VWC2L: variants seen among roughly 807,000 people sequenced by gnomAD.
The protein encoded by VWC2L is von Willebrand factor C domain-containing protein 2-like.
In VWC2L, 10 loss-of-function variants were observed where a neutral mutation model predicts 21.6. That is an observed-to-expected ratio of 0.46 (90% CI 0.29 to 0.78). The LOEUF (loss-of-function observed/expected upper bound fraction) is 0.78. Among genes scored for constraint, VWC2L ranks in the 30% least tolerant of loss-of-function variants. The pLI, the probability that VWC2L is intolerant of heterozygous loss-of-function variation, is 0.10. For synonymous variants in VWC2L, 96 were observed against 94.3 expected (o/e 1.02, Z -0.10); for missense variants, 209 against 277.1 (o/e 0.75, Z 1.74).
intron 3 of VWC2L, among the ~76,000 whole-genome samples, chr2:214,444,243 T>A (rs1389320829): frequency 2.0e-5 from 3 of 151,924 alleles, no homozygotes; most frequent in East Asian, 3.9e-4. Flanking sequence ...AGAAAAAAAA[T>A]TTAATACCTA....
intron 3 of VWC2L, among the ~76,000 whole-genome samples, chr2:214,533,229 A>G (rs1053704769): frequency 1.3e-5 from 2 of 152,122 alleles, no homozygotes; most frequent in Non-Finnish European, 2.9e-5. Context: ...TTTCAGCAGT[A>G]ATTACATACG....
At chr2:214,567,589 CACACACAGAGAG>C (rs1190738378) in intron 3 of VWC2L, among the ~76,000 whole-genome samples, 1 of 134,536 alleles carries the variant, frequency 7.4e-6, no homozygotes, top group African/African-American at 3.0e-5. Flanking sequence ...CACACACACA[CACACACAGAGAG>C]AGAGAGAGAG....
intron 3 of VWC2L, among the ~76,000 whole-genome samples, chr2:214,551,805 A>G (rs528309405): frequency 3.4e-4 from 52 of 152,286 alleles, no homozygotes; most frequent in African/African-American, 1.1e-3. Context: ...TCATACCACA[A>G]TAGAAGCCAG....
intron 3 of VWC2L, among the ~76,000 whole-genome samples, chr2:214,543,346 G>A (rs375282579): frequency 2.0e-4 from 31 of 152,156 alleles, no homozygotes; most frequent in Admixed American, 4.6e-4. Context: ...AACTTATTAC[G>A]TATAGTAACA....
At chr2:214,452,914 C>T (rs1702997877) in intron 3 of VWC2L, among the ~76,000 whole-genome samples, 1 of 152,120 alleles carries the variant, frequency 6.6e-6, no homozygotes, top group Non-Finnish European at 1.5e-5. Context: ...AAATCATTTG[C>T]TCATTTTTTT....
intron 3 of VWC2L, among the ~76,000 whole-genome samples, chr2:214,574,224 C>G (rs565221579): frequency 6.6e-6 from 1 of 152,190 alleles, no homozygotes. Flanking sequence ...TTTGTCAGAG[C>G]TGACCCTTAT....
intron 3 of VWC2L, among the ~76,000 whole-genome samples, chr2:214,501,240 C>A (rs1688886181): frequency 6.6e-6 from 1 of 152,268 alleles, no homozygotes; most frequent in East Asian, 1.9e-4. Context: ...GGAAAAGCCA[C>A]TCCACCTTCC....
intron 3 of VWC2L, among the ~76,000 whole-genome samples, chr2:214,460,747 T>G (rs533094849): frequency 6.6e-6 from 1 of 152,356 alleles, no homozygotes; most frequent in East Asian, 1.9e-4. Flanking sequence ...TTTAAATTCT[T>G]TTTCAAGCAT....
intron 3 of VWC2L, among the ~76,000 whole-genome samples, chr2:214,527,037 C>A (rs1689350598): frequency 6.6e-6 from 1 of 152,006 alleles, no homozygotes; most frequent in African/African-American, 2.4e-5. Flanking sequence ...GAAAATATGG[C>A]ACGTATACAC....
chr2:214,465,051 C>A (rs1363930964), intron 3 of VWC2L, among the ~76,000 whole-genome samples: 1 of 151,966 alleles, frequency 6.6e-6, no homozygotes, highest in African/African-American at 2.4e-5. Context: ...CCCCGCTGTC[C>A]CAGGACGAAT....
chr2:214,523,352 T>A (rs1165937855), intron 3 of VWC2L, among the ~76,000 whole-genome samples: 2 of 152,262 alleles, frequency 1.3e-5, no homozygotes, highest in Non-Finnish European at 2.9e-5. Context: ...TTCTATGAGA[T>A]GCCCAACTCA....
chr2:214,496,516 C>T (rs4378808), intron 3 of VWC2L, among the ~76,000 whole-genome samples: 1 of 151,860 alleles, frequency 6.6e-6, no homozygotes, highest in East Asian at 1.9e-4. Flanking sequence ...CATTGATAGA[C>T]CTCCTAATTA....
At chr2:214,428,075 C>T (rs1702551636) in intron 2 of VWC2L, among the ~76,000 whole-genome samples, 2 of 152,102 alleles carry the variant, frequency 1.3e-5, no homozygotes, top group Non-Finnish European at 2.9e-5. Context: ...CTAATATGCT[C>T]CCTTGAGGAA....
chr2:214,442,298 C>A (rs574640862), intron 3 of VWC2L, among the ~76,000 whole-genome samples: 1 of 152,224 alleles, frequency 6.6e-6, no homozygotes, highest in Non-Finnish European at 1.5e-5. Flanking sequence ...AATAATGATT[C>A]TTTTAGGCAG....
At chr2:214,548,484 C>T (rs1055972927) in intron 3 of VWC2L, among the ~76,000 whole-genome samples, 8 of 152,182 alleles carry the variant, frequency 5.3e-5, no homozygotes, top group African/African-American at 1.9e-4. Context: ...CTCTAAAACA[C>T]TGCCTACAAA....
At chr2:214,482,477 GTGTA>G (rs60896750) in intron 3 of VWC2L, among the ~76,000 whole-genome samples, 5 of 150,408 alleles carry the variant, frequency 3.3e-5, no homozygotes, top group African/African-American at 4.9e-5. Flanking sequence ...ACATATATAC[GTGTA>G]TGTATGTATG....
rs542961938 is a variant in VWC2L at position 214,516,338 on chromosome 2, A to T, written c.521-59334A>T. On this transcript the variant is annotated intron_variant, in intron 3 of 3. Transcript: ENST00000312504. Reference sequence around the variant, plus strand: ...ATCCCCTGCCTCCTAAGCTTCAGTGATCAATGCTCAGTTGTTTCCAGCATG... The same window carrying T: ...ATCCCCTGCCTCCTAAGCTTCAGTGTTCAATGCTCAGTTGTTTCCAGCATG... Among the ~76,000 whole-genome samples, 162 of 152,208 alleles carry T rather than the reference A, an allele frequency of 1.1e-3. 2 individuals carry two copies. In the South Asian group the frequency reaches 0.033, roughly 31 times the overall value.
chr2:214,475,553 G>A (rs772694200), intron 3 of VWC2L, among the ~76,000 whole-genome samples: 1 of 152,070 alleles, frequency 6.6e-6, no homozygotes, highest in Non-Finnish European at 1.5e-5. Context: ...TAGTCCCAAT[G>A]TTGGGGAGAG....
chr2:214,426,745 A>G lies in VWC2L; in HGVS notation c.391-9884A>G, dbSNP rs148692205. On this transcript the variant is annotated intron_variant, in intron 2 of 3. Coordinates refer to ENST00000312504, the MANE Select transcript of VWC2L (RefSeq NM_001080500.4). ...TCTTACCAGCTTTGATTAATTCACT[A>G]TGAACATTATGCAAGTAATGTGGTA... Among the ~76,000 whole-genome samples the G allele has an allele frequency of 2.6e-5, 4 of 152,340 alleles. No individual in the cohort carries two copies. In the East Asian group the frequency reaches 7.7e-4, roughly 29 times the overall value.
Sources: gnomAD v4.1 joint callset for allele counts (sites outside exome capture counted in the v4.1 genomes callset) on GRCh38, gnomAD v4.1.1 for gene constraint, MANE v1.5 for transcripts, NCBI Gene and HGNC (gene_info 2026-07-23, HGNC 2026-07-21) for gene names.